The following CD72 variants were observed in gnomAD, a reference collection of about 807,000 sequenced individuals.
CD72 encodes CD72 molecule, also known as B-cell differentiation antigen CD72.
A neutral mutation model predicts 50.7 loss-of-function variants in CD72; 28 were observed. The observed-to-expected ratio is 0.55, with a 90% confidence interval of 0.41 to 0.76. The LOEUF is 0.76. CD72 is among the 30% of genes least tolerant of loss of function. The pLI is 0.00. For synonymous variants in CD72, 176 were observed against 171.2 expected (o/e 1.03, Z -0.22); for missense variants, 403 against 420.6 (o/e 0.96, Z 0.37).
intron 1 of CD72, among the ~76,000 whole-genome samples, chr9:35,629,046 AT>A (rs532968597): frequency 5.2e-4 from 76 of 146,548 alleles, no homozygotes; most frequent in African/African-American, 1.1e-3. Flanking sequence ...GGCTAATTAA[AT>A]TTTTTTTTTT....
At chr9:35,616,545 G>A (rs1823066649) in intron 4 of CD72, 55 bp downstream of exon 4, 1 of 1,349,364 alleles carries the variant, frequency 7.4e-7, no homozygotes, top group Admixed American at 1.7e-5. Flanking sequence ...TTTGGGGCGA[G>A]AGTCGGGACG....
At chr9:35,612,825 T>A (rs1181665130) in intron 6 of CD72, 23 bp downstream of exon 6, 1 of 1,608,476 alleles carries the variant, frequency 6.2e-7, no homozygotes, top group Non-Finnish European at 8.5e-7. Flanking sequence ...CCCACTGCAG[T>A]CTGTGAGTAA....
chr9:35,611,336 T>TG (rs1822980791), intron 7 of CD72, among the ~76,000 whole-genome samples: 1 of 152,050 alleles, frequency 6.6e-6, no homozygotes. Flanking sequence ...TGATCCTCAA[T>TG]GGTACCCCAC....
chr9:35,619,846 A>G (rs898347328), upstream of CD72, among the ~76,000 whole-genome samples: 1 of 152,192 alleles, frequency 6.6e-6, no homozygotes, highest in Non-Finnish European at 1.5e-5. Context: ...AAAAGTCGTC[A>G]AAGGTCATCA....
upstream of CD72, chr9:35,618,543 T>C (rs1298361607): frequency 1.1e-6 from 1 of 933,580 alleles, no homozygotes; most frequent in Admixed American, 2.1e-5. Flanking sequence ...GAGGGGACGC[T>C]GAGGTCCAGA....
At chr9:35,611,066 A>G (rs930877774) in intron 7 of CD72, among the ~76,000 whole-genome samples, 2 of 152,138 alleles carry the variant, frequency 1.3e-5, no homozygotes, top group Non-Finnish European at 2.9e-5. Context: ...CCTGACTAAC[A>G]CGGTGAAACC....
chr9:35,617,354 C>G (rs1267178088), intron 2 of CD72, 107 bp from the exon 3 acceptor site: 2 of 1,291,484 alleles, frequency 1.5e-6, no homozygotes, highest in Admixed American at 5.2e-5. Flanking sequence ...GTCTGCCCTA[C>G]GTTGCCTGCT....
intron 1 of CD72, among the ~76,000 whole-genome samples, chr9:35,638,557 A>T (rs548638668): frequency 6.6e-6 from 1 of 151,678 alleles, no homozygotes; most frequent in Non-Finnish European, 1.5e-5. Flanking sequence ...GACTTTTCCC[A>T]AATCAGCCAG....
At chr9:35,637,225 C>G (rs890827269) in intron 1 of CD72, among the ~76,000 whole-genome samples, 3 of 151,616 alleles carry the variant, frequency 2.0e-5, no homozygotes, top group Non-Finnish European at 2.9e-5. Context: ...ATGATAATCC[C>G]ATCACCCTTT....
intron 1 of CD72, among the ~76,000 whole-genome samples, chr9:35,638,140 C>T (rs994132276): frequency 6.6e-5 from 10 of 152,120 alleles, no homozygotes; most frequent in South Asian, 2.1e-4. Flanking sequence ...TCGGAGGTGC[C>T]GTACATCCGG....
rs751400591 is a variant in CD72, at chr9:35,616,091, C to T, written c.540G>A (p.Ala180=). ...ALQVEQRAHQ[A]AEGQLQACQA... ...GGCAGGCCTGTAGCTGCCCTTCGGC[C>T]GCCTGATGAGCCCTCTGTTCCACCT... Residue 180 remains alanine, a synonymous_variant, in exon 5 of 9, where the codon GCG becomes GCA. Transcript: ENST00000259633. 9.3e-6 allele frequency: 15 copies of T among 1,614,108 alleles called. No homozygotes were observed. The highest frequency in any genetic ancestry group is 2.2e-5 in the East Asian group (1 of 44,876).
At chr9:35,616,933 A>C in intron 3 of CD72, 1 of 1,379,132 alleles carries the variant, frequency 7.3e-7, no homozygotes, top group Non-Finnish European at 9.6e-7. Context: ...GGGGAAGGAA[A>C]TATCAGACGG....
At position 35,610,650 on chromosome 9, in the gene CD72, T is replaced by C. The variant is rs1405823156; in HGVS notation, c.1054A>G (p.Met352Val). ...TAATCTGGAAACCTGAAAGCTGTCA[T>C]CTCACAGATGTAGGGAAGAGAACTT... Reference protein sequence around the residue: ...CRSSLPYICEMTAFRFPD With the variant: ...CRSSLPYICEVTAFRFPD The change falls in exon 8 of 9, where the codon ATG becomes GTG. Residue 352 changes from methionine (M) to valine (V), a missense_variant. Transcript: ENST00000259633. 2 of 1,613,990 alleles carry C rather than the reference T, an allele frequency of 1.2e-6. No individual in the cohort carries two copies. Among genetic ancestry groups the C allele is most frequent in the Admixed American group, 1.7e-5 (1 of 60,000 alleles).
chr9:35,613,797 A>G (rs994318419), intron 5 of CD72, among the ~76,000 whole-genome samples: 12 of 152,290 alleles, frequency 7.9e-5, no homozygotes, highest in Admixed American at 7.8e-4. Flanking sequence ...TGAAGTCAGG[A>G]GTTTAAGACC....
upstream of CD72, among the ~76,000 whole-genome samples, chr9:35,622,656 G>T (rs777255328): frequency 6.6e-6 from 1 of 151,948 alleles, no homozygotes; most frequent in Non-Finnish European, 1.5e-5. Context: ...GCATGGCGGC[G>T]CACACCTGTA....
chr9:35,615,230 G>A (rs1240775283), intron 5 of CD72, among the ~76,000 whole-genome samples: 1 of 152,142 alleles, frequency 6.6e-6, no homozygotes, highest in Non-Finnish European at 1.5e-5. Context: ...TTATGCCTGG[G>A]GAGATCACCC....
intron 1 of CD72, among the ~76,000 whole-genome samples, chr9:35,627,867 A>T (rs747249797): frequency 6.6e-6 from 1 of 151,196 alleles, no homozygotes; most frequent in African/African-American, 2.4e-5. Context: ...TCAGCGTCTC[A>T]CTCTGTCACC....
intron 7 of CD72, 78 bp downstream of exon 7, chr9:35,611,726 G>T: frequency 1.3e-6 from 1 of 797,408 alleles, no homozygotes; most frequent in Non-Finnish European, 2.2e-6. Context: ...GGGACCAGGT[G>T]GGAAGGAAAT....
At position 35,610,732 on chromosome 9, in the gene CD72, T is replaced by C; in HGVS notation, c.972A>G (p.Lys324=). The part of the protein sequence containing the change: ...QRTRTYAQSS[K]CNKVHKTWSW... ...ACCAAGTTTTATGTACCTTGTTACA[T>C]TTTGAGCTTTGAGCATAAGTCCTAA... The change falls in exon 8 of 9, where the codon AAA becomes AAG. Residue 324 remains lysine (K), a synonymous_variant. Coordinates refer to ENST00000259633, the MANE Select transcript of CD72 (RefSeq NM_001782.3). The C allele has an allele frequency of 6.2e-7, 1 of 1,612,928 alleles. No homozygotes were observed. Among genetic ancestry groups the C allele is most frequent in the Middle Eastern group, 1.7e-4 (1 of 6,060 alleles).
Sources: allele counts gnomAD v4.1 joint callset (sites outside exome capture counted in the v4.1 genomes callset), GRCh38; gene constraint gnomAD v4.1.1; transcripts MANE v1.5; gene names NCBI Gene and HGNC (gene_info 2026-07-23, HGNC 2026-07-21).